Variants in ACOXL observed in about 807,000 individuals in gnomAD.
ACOXL encodes acyl-coenzyme A oxidase-like protein.
Under a neutral mutation model 71.9 loss-of-function variants are expected in ACOXL, and 70 were observed. The ratio of observed to expected loss-of-function variants is 0.97; its 90% CI spans 0.80 to 1.19. The LOEUF is 1.19. Among genes scored for constraint, ACOXL ranks in the 50% most tolerant of loss-of-function variants. The pLI is 0.00. For synonymous variants in ACOXL, 253 were observed against 281.6 expected (o/e 0.90, Z 1.02); for missense variants, 703 against 736.3 (o/e 0.95, Z 0.52).
At chr2:111,046,423 A>G (rs1229089107) in intron 15 of ACOXL, among the ~76,000 whole-genome samples, 3 of 152,208 alleles carry the variant, frequency 2.0e-5, no homozygotes, top group Non-Finnish European at 4.4e-5. Context: ...GCTAATAAAG[A>G]CATACCCAAG....
At chr2:110,838,854 C>T (rs1459777566) in intron 9 of ACOXL, among the ~76,000 whole-genome samples, 1 of 152,228 alleles carries the variant, frequency 6.6e-6, no homozygotes, top group Non-Finnish European at 1.5e-5. Context: ...CCCCCCTCCC[C>T]AGTTGTCGTG....
chr2:110,929,018 C>T (rs544394914), intron 11 of ACOXL, among the ~76,000 whole-genome samples: 35 of 152,252 alleles, frequency 2.3e-4, no homozygotes, highest in African/African-American at 6.7e-4. Context: ...TCTTTATCAG[C>T]GGCATGAAAC....
intron 2 of ACOXL, among the ~76,000 whole-genome samples, chr2:110,779,854 T>G (rs985344232): frequency 1.3e-5 from 2 of 152,182 alleles, no homozygotes; most frequent in African/African-American, 4.8e-5. Flanking sequence ...ATTACTACAT[T>G]TGTAGAATAA....
chr2:110,801,641 ATTC>A lies in ACOXL; in HGVS notation c.548-8_548-6del, dbSNP rs1471973066. The stretch of plus-strand genomic sequence containing the variant: ...GATGCTGCATCCATTTCCCCTTTCT[ATTC>A]TTGCCAGGTCTGCATGGTGTGGACA... On this transcript the variant is annotated splice_polypyrimidine_tract_variant and splice_region_variant and intron_variant, in intron 7 of 17. Transcript: ENST00000439055. 2 of 1,613,082 alleles carry A rather than the reference ATTC, an allele frequency of 1.2e-6. No homozygotes were observed. Among genetic ancestry groups the A allele is most frequent in the African/African-American group, 2.7e-5 (2 of 74,894 alleles).
intron 10 of ACOXL, chr2:110,886,881 C>G: frequency 1.3e-6 from 2 of 1,549,736 alleles, no homozygotes; most frequent in South Asian, 2.4e-5. Context: ...TTTTTGCTAA[C>G]GTTTCTTACG....
intron 17 of ACOXL, among the ~76,000 whole-genome samples, chr2:111,108,521 G>C (rs2150072802): frequency 6.6e-6 from 1 of 152,042 alleles, no homozygotes; most frequent in South Asian, 2.1e-4. Flanking sequence ...GAGGATTACA[G>C]GCATGTGCCA....
At chr2:110,995,838 T>C (rs1221527860) in intron 13 of ACOXL, 55 bp from the exon 14 acceptor site, 1 of 1,395,090 alleles carries the variant, frequency 7.2e-7, no homozygotes, top group African/African-American at 1.4e-5. Flanking sequence ...TTCTTTCAAA[T>C]GAAATTCTTG....
chr2:111,063,857 A>G (rs1185428355), intron 16 of ACOXL, among the ~76,000 whole-genome samples: 3 of 152,224 alleles, frequency 2.0e-5, no homozygotes, highest in Admixed American at 1.3e-4. Flanking sequence ...TGCAGATGAC[A>G]TAATTGTTTA....
chr2:111,083,942 T>C (rs2068064345), intron 16 of ACOXL, among the ~76,000 whole-genome samples: 1 of 152,082 alleles, frequency 6.6e-6, no homozygotes, highest in South Asian at 2.1e-4. Flanking sequence ...TATTAGATAT[T>C]AGACTCTATA....
chr2:110,783,661 G>A (rs887105067), intron 2 of ACOXL, among the ~76,000 whole-genome samples: 7 of 152,038 alleles, frequency 4.6e-5, no homozygotes, highest in Admixed American at 2.0e-4. Flanking sequence ...AGATGCACAC[G>A]CACATATAGA....
chr2:110,827,106 C>G (rs796227177), intron 9 of ACOXL, among the ~76,000 whole-genome samples: 1 of 152,302 alleles, frequency 6.6e-6, no homozygotes, highest in African/African-American at 2.4e-5. Context: ...GAAAGAAATA[C>G]AAACCTGCTA....
At chr2:110,886,775 T>C in intron 10 of ACOXL, 1 of 1,550,968 alleles carries the variant, frequency 6.4e-7, no homozygotes, top group Non-Finnish European at 8.7e-7. Context: ...CTGTCCCTTT[T>C]TCTAGGTCCA....
Position 110,908,917 on chromosome 2 carries a change from C to T in ACOXL, c.905+12C>T, listed in dbSNP as rs933978082. The T allele has an allele frequency of 3.7e-6, 6 of 1,607,188 alleles. No individual in the cohort carries two copies. The African/African-American group carries it at 6.7e-5, about 18-fold the overall frequency. ...ACCTTCGTCAGCAGGTGAGATGGCT[C>T]TCAGGGTTTGCTCTCTTAGGGTAAG... On this transcript the variant is annotated intron_variant, in intron 11 of 17. Transcript: ENST00000439055.
chr2:111,087,042 T>C (rs1259472002), intron 16 of ACOXL, among the ~76,000 whole-genome samples: 3 of 152,084 alleles, frequency 2.0e-5, no homozygotes, highest in African/African-American at 7.2e-5. Context: ...AGGAATGCAA[T>C]CCCATTCACA....
At chr2:110,941,228 T>C (rs2060856679) in intron 12 of ACOXL, among the ~76,000 whole-genome samples, 1 of 152,168 alleles carries the variant, frequency 6.6e-6, no homozygotes, top group South Asian at 2.1e-4. Flanking sequence ...AGCCAGGTAA[T>C]TTGAGGGGCA....
intron 10 of ACOXL, among the ~76,000 whole-genome samples, chr2:110,879,054 TAA>T (rs201244854): frequency 1.3e-4 from 18 of 136,800 alleles, no homozygotes; most frequent in Admixed American, 2.2e-4. Context: ...GAGGCTCCGT[TAA>T]AAAAAAAAAA....
intron 16 of ACOXL, among the ~76,000 whole-genome samples, chr2:111,067,897 C>A (rs145583282): frequency 6.6e-6 from 1 of 152,138 alleles, no homozygotes; most frequent in Non-Finnish European, 1.5e-5. Context: ...GAAGATAAGC[C>A]CTCAGTGTCA....
At chr2:111,070,758 G>A (rs1351845750) in intron 16 of ACOXL, among the ~76,000 whole-genome samples, 2 of 151,810 alleles carry the variant, frequency 1.3e-5, no homozygotes, top group Admixed American at 6.6e-5. Context: ...TTCATTTCCC[G>A]CCAGTTGAAG....
intron 9 of ACOXL, among the ~76,000 whole-genome samples, chr2:110,837,845 A>G (rs1690639502): frequency 6.6e-6 from 1 of 152,228 alleles, no homozygotes; most frequent in African/African-American, 2.4e-5. Context: ...CAATACTTAC[A>G]GTATGTCCTC....
Sources: allele counts gnomAD v4.1 joint callset (sites outside exome capture counted in the v4.1 genomes callset), GRCh38; gene constraint gnomAD v4.1.1; transcripts MANE v1.5; gene names NCBI Gene and HGNC (gene_info 2026-07-23, HGNC 2026-07-21).